SUMF1: variants seen among roughly 807,000 people sequenced by gnomAD.
SUMF1 encodes the protein formylglycine-generating enzyme.
Under a neutral mutation model 47.6 loss-of-function variants are expected in SUMF1, and 48 were observed. The ratio of observed to expected loss-of-function variants is 1.01; its 90% CI spans 0.80 to 1.28. SUMF1 has a LOEUF of 1.28. SUMF1 is among the 50% of genes most tolerant of loss of function. The pLI is 0.00. For missense variants in SUMF1, 571 were observed against 485.4 expected (o/e 1.18, Z -1.66); for synonymous variants, 230 against 192.1 (o/e 1.20, Z -1.63).
At chr3:4,305,894 C>T (rs1698170054) in intron 8 of SUMF1, among the ~76,000 whole-genome samples, 1 of 152,172 alleles carries the variant, frequency 6.6e-6, no homozygotes, top group East Asian at 1.9e-4. Flanking sequence ...GTTAATAATA[C>T]AGTTAGCTGG....
At chr3:4,148,749 C>T (rs1694251919) in intron 8 of SUMF1, among the ~76,000 whole-genome samples, 1 of 152,194 alleles carries the variant, frequency 6.6e-6, no homozygotes, top group Non-Finnish European at 1.5e-5. Flanking sequence ...CAAACTAGAA[C>T]ACAGTTTACT....
intron 8 of SUMF1, among the ~76,000 whole-genome samples, chr3:4,091,887 T>TAA (rs56037759): frequency 4.6e-4 from 66 of 143,302 alleles, no homozygotes; most frequent in South Asian, 8.9e-4. Context: ...GTGTGCAATT[T>TAA]AAAAAAAAAA....
At chr3:4,281,530 C>T (rs921514164) in intron 8 of SUMF1, among the ~76,000 whole-genome samples, 11 of 152,098 alleles carry the variant, frequency 7.2e-5, no homozygotes, top group African/African-American at 2.7e-4. Flanking sequence ...AGGCCACACA[C>T]TTAATAAGTA....
chr3:4,225,313 A>C (rs1486574391), intron 8 of SUMF1, among the ~76,000 whole-genome samples: 1 of 152,084 alleles, frequency 6.6e-6, no homozygotes, highest in Non-Finnish European at 1.5e-5. Context: ...AGTCAGCTTC[A>C]AGTTAATACA....
intron 8 of SUMF1, among the ~76,000 whole-genome samples, chr3:4,076,385 A>G (rs1343409016): frequency 6.6e-6 from 1 of 152,180 alleles, no homozygotes; most frequent in Non-Finnish European, 1.5e-5. Context: ...TAAAACCATG[A>G]AAACCCTAGA....
At chr3:4,367,206 C>T (rs543631117) in intron 8 of SUMF1, among the ~76,000 whole-genome samples, 2 of 152,304 alleles carry the variant, frequency 1.3e-5, no homozygotes, top group Middle Eastern at 3.4e-3. Flanking sequence ...TGCCCATTCT[C>T]AGATCTCCAG....
intron 8 of SUMF1, among the ~76,000 whole-genome samples, chr3:4,294,395 T>A (rs1163170621): frequency 6.6e-6 from 1 of 152,032 alleles, no homozygotes; most frequent in Non-Finnish European, 1.5e-5. Flanking sequence ...AGACCCTATC[T>A]CTACAAAAAA....
chr3:4,406,375 G>C (rs1701376066), intron 7 of SUMF1, among the ~76,000 whole-genome samples: 1 of 152,140 alleles, frequency 6.6e-6, no homozygotes. Flanking sequence ...TTTCCTGACA[G>C]CCAAGTGTGA....
rs576822736 is a variant in SUMF1, at chr3:4,404,321, A to G, written c.954+6544T>C. On this transcript the variant is annotated intron_variant, in intron 7 of 8. Transcript: ENST00000272902. ...TTGATCACCTTGCTTTCCCCTTGGC[A>G]CTTACTCTGTATAACTTGTAGCTGT... Among the ~76,000 whole-genome samples, 17 of 152,312 alleles carry G rather than the reference A, an allele frequency of 1.1e-4. No homozygotes were observed. In the South Asian group the frequency reaches 3.5e-3, roughly 32 times the overall value.
chr3:4,410,925 T>C lies in SUMF1; in HGVS notation c.894A>G (p.Ala298=). 6.2e-7 allele frequency: 1 copy of C among 1,614,108 alleles called. No individual in the cohort carries two copies. The highest frequency in any genetic ancestry group is 1.3e-5 in the African/African-American group (1 of 75,050). ...GYGLYNIVGN[A]WEWTSDWWTV... ...TCCACCAGTCTGAAGTCCATTCCCA[T>C]GCGTTCCCCACTATGTTGTATAAGC... The change falls in exon 7 of 9, where the codon GCA becomes GCG. Residue 298 remains alanine (A), a synonymous_variant. Coordinates refer to ENST00000272902, the MANE Select transcript of SUMF1 (RefSeq NM_182760.4).
At chr3:4,133,909 T>C (rs758803043) in intron 8 of SUMF1, among the ~76,000 whole-genome samples, 1 of 152,044 alleles carries the variant, frequency 6.6e-6, no homozygotes, top group Non-Finnish European at 1.5e-5. Flanking sequence ...AACAGTATCA[T>C]TAAAATTGGG....
chr3:4,357,042 G>A (rs973777060), downstream of SUMF1, among the ~76,000 whole-genome samples: 3 of 152,108 alleles, frequency 2.0e-5, no homozygotes, highest in African/African-American at 7.2e-5. Context: ...CCACCTTAAA[G>A]TCGACTGATG....
chr3:4,440,892 G>C (rs1553582705), intron 3 of SUMF1, among the ~76,000 whole-genome samples: 1 of 152,116 alleles, frequency 6.6e-6, no homozygotes, highest in Non-Finnish European at 1.5e-5. Context: ...GCTATCCCTT[G>C]TGTCAAAGTT....
intron 7 of SUMF1, among the ~76,000 whole-genome samples, chr3:4,399,737 TA>T (rs377477514): frequency 9.5e-4 from 144 of 152,302 alleles, no homozygotes; most frequent in African/African-American, 3.2e-3. Context: ...AAACAGTGCG[TA>T]AATTTCCTTT....
intron 8 of SUMF1, among the ~76,000 whole-genome samples, chr3:4,154,857 A>C (rs1341424023): frequency 6.6e-6 from 1 of 151,568 alleles, no homozygotes; most frequent in Non-Finnish European, 1.5e-5. Flanking sequence ...CATCAAAATT[A>C]CAGCTTTTTT....
At chr3:4,056,987 C>G (rs530084261) in intron 9 of SUMF1, among the ~76,000 whole-genome samples, 1 of 151,980 alleles carries the variant, frequency 6.6e-6, no homozygotes, top group African/African-American at 2.4e-5. Context: ...ACCTCGTGAT[C>G]CACCCACCTC....
rs927841028 is a variant in SUMF1 at position 4,097,937 on chromosome 3, C to A, written c.1015-29192G>T. On this transcript the variant is annotated intron_variant and NMD_transcript_variant, in intron 8 of 12. Transcript: ENST00000448413. Reference sequence around the variant, plus strand: ...GCTTCCAAAAATTCTCAAGACACAGCCTGCTGGTCTTGCTTAATCTGATCA... The same window carrying A: ...GCTTCCAAAAATTCTCAAGACACAGACTGCTGGTCTTGCTTAATCTGATCA... 9.9e-5 allele frequency among the ~76,000 whole-genome samples: 15 copies of A among 152,226 alleles called. No individual in the cohort carries two copies. The South Asian group carries it at 2.9e-3, about 30-fold the overall frequency.
At chr3:4,450,735 G>C (rs1340627568) in intron 2 of SUMF1, among the ~76,000 whole-genome samples, 1 of 152,118 alleles carries the variant, frequency 6.6e-6, no homozygotes, top group Non-Finnish European at 1.5e-5. Flanking sequence ...TCTTGAGAAA[G>C]TGACATTTAA....
chr3:4,188,623 G>A (rs895109674), intron 8 of SUMF1, among the ~76,000 whole-genome samples: 3 of 152,116 alleles, frequency 2.0e-5, no homozygotes, highest in African/African-American at 7.2e-5. Context: ...GTAGCCTAGT[G>A]TCTAAGAGTG....
Sources: gnomAD v4.1 joint callset for allele counts (sites outside exome capture counted in the v4.1 genomes callset) on GRCh38, gnomAD v4.1.1 for gene constraint, MANE v1.5 for transcripts, NCBI Gene and HGNC (gene_info 2026-07-23, HGNC 2026-07-21) for gene names.